RBFOX1: variants seen among roughly 807,000 people sequenced by gnomAD.
RBFOX1 encodes the protein RNA binding protein fox-1 homolog 1.
Under a neutral mutation model 57.7 loss-of-function variants are expected in RBFOX1, and 8 were observed. The observed-to-expected ratio is 0.14, with a 90% CI of 0.08 to 0.25. The LOEUF (loss-of-function observed/expected upper bound fraction) is 0.25. RBFOX1 is among the 10% of genes least tolerant of loss of function. The pLI is 1.00. For synonymous variants in RBFOX1, 326 were observed against 222.4 expected (o/e 1.47, Z -4.15); for missense variants, 611 against 548.5 (o/e 1.11, Z -1.14).
intron 1 of RBFOX1, among the ~76,000 whole-genome samples, chr16:5,242,286 C>T (rs1322218278): frequency 6.6e-6 from 1 of 152,194 alleles, no homozygotes; most frequent in Non-Finnish European, 1.5e-5. Context: ...ATTTCATGAC[C>T]TGAAGGATGA....
intron 1 of RBFOX1, among the ~76,000 whole-genome samples, chr16:5,328,799 G>A (rs1228272336): frequency 6.6e-6 from 1 of 152,140 alleles, no homozygotes; most frequent in Non-Finnish European, 1.5e-5. Context: ...TTACATGCAA[G>A]AATCAGCCAC....
intron 3 of RBFOX1, among the ~76,000 whole-genome samples, chr16:6,884,002 A>G (rs1281498643): frequency 1.3e-5 from 2 of 152,142 alleles, no homozygotes; most frequent in Non-Finnish European, 2.9e-5. Context: ...GGGGAGTCAC[A>G]CACAAGGAGG....
At chr16:7,138,184 G>C (rs1600671587) in intron 4 of RBFOX1, among the ~76,000 whole-genome samples, 1 of 152,106 alleles carries the variant, frequency 6.6e-6, no homozygotes, top group Non-Finnish European at 1.5e-5. Context: ...TTGGGTGTGA[G>C]GATCAGATGG....
chr16:6,627,794 T>C (rs1048454883), intron 2 of RBFOX1, among the ~76,000 whole-genome samples: 1 of 152,186 alleles, frequency 6.6e-6, no homozygotes, highest in Non-Finnish European at 1.5e-5. Context: ...GATAAAATGC[T>C]GTGTGTGCCC....
At position 7,058,066 on chromosome 16, in the gene RBFOX1, G is replaced by A. The variant is rs2053023315; in HGVS notation, c.27+5968G>A. Among the ~76,000 whole-genome samples, 3 of 149,072 alleles carry A rather than the reference G, an allele frequency of 2.0e-5. No homozygotes were observed. In the East Asian group the frequency reaches 6.0e-4, roughly 30 times the overall value. On this transcript the variant is annotated intron_variant, in intron 4 of 15. Coordinates refer to ENST00000550418, the MANE Select transcript of RBFOX1 (RefSeq NM_018723.4). ...TAGATCTCTGCTATGCTTTCAAAAT[G>A]TGGATATCAGCTGAACAAAGGATCC... is the stretch of plus-strand genomic sequence containing the variant.
chr16:7,006,186 CT>C (rs1477853789), intron 3 of RBFOX1, among the ~76,000 whole-genome samples: 1 of 151,996 alleles, frequency 6.6e-6, no homozygotes, highest in Non-Finnish European at 1.5e-5. Context: ...GAGTCTCACT[CT>C]GTTTGTTGCC....
intron 2 of RBFOX1, among the ~76,000 whole-genome samples, chr16:6,589,027 A>C (rs954472561): frequency 6.6e-6 from 1 of 152,178 alleles, no homozygotes; most frequent in African/African-American, 2.4e-5. Context: ...ATCATTGAGG[A>C]ACCTTTTCAG....
chr16:6,592,180 C>T (rs1324561843), intron 2 of RBFOX1, among the ~76,000 whole-genome samples: 3 of 152,174 alleles, frequency 2.0e-5, no homozygotes, highest in Non-Finnish European at 4.4e-5. Flanking sequence ...CCTTTAACGT[C>T]TCTGCAATAT....
intron 1 of RBFOX1, among the ~76,000 whole-genome samples, chr16:6,254,002 A>G (rs1241597796): frequency 6.6e-6 from 1 of 152,200 alleles, no homozygotes; most frequent in Non-Finnish European, 1.5e-5. Context: ...CAAAGGTTCC[A>G]TGACAAACAT....
intron 1 of RBFOX1, among the ~76,000 whole-genome samples, chr16:6,257,156 G>T (rs1202967518): frequency 6.6e-6 from 1 of 152,032 alleles, no homozygotes; most frequent in Non-Finnish European, 1.5e-5. Context: ...GGACATGCAG[G>T]TTTGTTCCAC....
chr16:5,480,495 C>T (rs12922652), intron 2 of RBFOX1, among the ~76,000 whole-genome samples: 53,773 of 152,074 alleles, frequency 0.35, 10,496 homozygotes, highest in South Asian at 0.54. Flanking sequence ...ACCCTGCTGC[C>T]GCTGAAAATG....
chr16:5,811,137 G>C (rs2055412410), intron 3 of RBFOX1, among the ~76,000 whole-genome samples: 2 of 140,638 alleles, frequency 1.4e-5, no homozygotes, highest in Non-Finnish European at 3.0e-5. Context: ...AAATCTTATG[G>C]AACAAATTTT....
intron 4 of RBFOX1, among the ~76,000 whole-genome samples, chr16:7,287,349 C>T (rs1340959200): frequency 6.6e-6 from 1 of 152,130 alleles, no homozygotes; most frequent in Non-Finnish European, 1.5e-5. Context: ...TCTTTGGTGA[C>T]TATAATTAGG....
intron 2 of RBFOX1, chr16:6,483,177 G>A: frequency 2.7e-6 from 3 of 1,129,924 alleles, no homozygotes; most frequent in Non-Finnish European, 3.2e-6. Context: ...CATTTGGCGA[G>A]CGTTTTGGCG....
At chr16:5,607,041 G>C (rs1373638615) in intron 3 of RBFOX1, among the ~76,000 whole-genome samples, 1 of 152,304 alleles carries the variant, frequency 6.6e-6, no homozygotes, top group African/African-American at 2.4e-5. Context: ...CCTGGGACCT[G>C]GCTTAGGAGG....
chr16:6,625,185 A>T (rs979919277), intron 2 of RBFOX1, among the ~76,000 whole-genome samples: 3 of 145,042 alleles, frequency 2.1e-5, no homozygotes, highest in South Asian at 2.2e-4. Flanking sequence ...AAAAAAAAAA[A>T]GGTATTCTGG....
chr16:7,125,850 C>T (rs149820855), intron 4 of RBFOX1, among the ~76,000 whole-genome samples: 13,517 of 152,052 alleles, frequency 0.089, 860 homozygotes, highest in Non-Finnish European at 0.13. Context: ...TGGGAGGCTG[C>T]GGTGGGTGGA....
At chr16:6,419,620 A>G (rs2093720170) in intron 2 of RBFOX1, among the ~76,000 whole-genome samples, 1 of 152,100 alleles carries the variant, frequency 6.6e-6, no homozygotes, top group Non-Finnish European at 1.5e-5. Flanking sequence ...ATTCAGAGAG[A>G]TGCTTCCCTG....
At chr16:6,881,998 A>T (rs72770606) in intron 3 of RBFOX1, among the ~76,000 whole-genome samples, 41,521 of 151,910 alleles carry the variant, frequency 0.27, 6,373 homozygotes, top group East Asian at 0.43. Flanking sequence ...AAATTTTTTT[A>T]AAAAAACTAA....
Sources: gnomAD v4.1 joint callset for allele counts (sites outside exome capture counted in the v4.1 genomes callset) on GRCh38, gnomAD v4.1.1 for gene constraint, MANE v1.5 for transcripts, NCBI Gene and HGNC (gene_info 2026-07-23, HGNC 2026-07-21) for gene names.